NLGN1: variants seen among roughly 807,000 people sequenced by gnomAD.
NLGN1 encodes neuroligin-1.
A neutral mutation model predicts 65.5 loss-of-function variants in NLGN1; 12 were observed. That is an observed-to-expected ratio of 0.18 (90% CI 0.12 to 0.30). The LOEUF (loss-of-function observed/expected upper bound fraction) is 0.30, where lower values mean the gene tolerates loss of function less well. Among genes scored for constraint, NLGN1 ranks in the 10% least tolerant of loss-of-function variants. The pLI, the probability that NLGN1 is intolerant of heterozygous loss-of-function variation, is 1.00. For synonymous variants in NLGN1, 350 were observed against 359.5 expected, an observed-to-expected ratio of 0.97 and a Z score of 0.30; for missense variants, 750 against 1,007.1, an observed-to-expected ratio of 0.74 and a Z score of 3.46.
At chr3:173,401,308 A>C (rs74335749) in intron 1 of NLGN1, among the ~76,000 whole-genome samples, 3,795 of 151,288 alleles carry the variant, frequency 0.025, 135 homozygotes, top group African/African-American at 0.082. Context: ...CCAGGCTCAG[A>C]AGTTTTGCTC....
At chr3:173,579,217 A>G (rs772968939) in intron 2 of NLGN1, among the ~76,000 whole-genome samples, 1 of 152,228 alleles carries the variant, frequency 6.6e-6, no homozygotes, top group Non-Finnish European at 1.5e-5. Context: ...CGCAGTGGCT[A>G]TGCCTGTAAT....
At chr3:173,676,117 GT>G (rs1274935272) in intron 3 of NLGN1, among the ~76,000 whole-genome samples, 5 of 151,892 alleles carry the variant, frequency 3.3e-5, no homozygotes, top group African/African-American at 9.7e-5. Flanking sequence ...GAATAAAAAA[GT>G]TAATAATAAT....
intron 2 of NLGN1, among the ~76,000 whole-genome samples, chr3:173,526,638 T>A (rs1296034110): frequency 6.6e-6 from 1 of 152,170 alleles, no homozygotes; most frequent in Non-Finnish European, 1.5e-5. Context: ...TTTTTAAATG[T>A]ACAATTAAAG....
intron 4 of NLGN1, among the ~76,000 whole-genome samples, chr3:173,886,769 G>C (rs1462067080): frequency 1.3e-5 from 2 of 152,026 alleles, no homozygotes; most frequent in Non-Finnish European, 2.9e-5. Flanking sequence ...GTGGCCTCCT[G>C]ACTCCATAGG....
At chr3:174,275,422 C>T in exon 5 of NLGN1, 1 of 1,612,004 alleles carries the variant, frequency 6.2e-7, no homozygotes, top group Non-Finnish European at 8.5e-7. Context: ...TGGTGGTGAC[C>T]CCTTAAGAAT....
intron 3 of NLGN1, among the ~76,000 whole-genome samples, chr3:173,611,820 T>C (rs1484833884): frequency 6.6e-6 from 1 of 152,062 alleles, no homozygotes; most frequent in Non-Finnish European, 1.5e-5. Context: ...CTTTTTTTCT[T>C]ATAGAAACTG....
chr3:173,697,156 A>G (rs935219663), intron 3 of NLGN1, among the ~76,000 whole-genome samples: 16 of 152,196 alleles, frequency 1.1e-4, no homozygotes, highest in African/African-American at 3.9e-4. Context: ...CCTTCTACTC[A>G]CTAACATATA....
intron 3 of NLGN1, among the ~76,000 whole-genome samples, chr3:173,611,585 G>T (rs1329418145): frequency 6.6e-6 from 1 of 152,016 alleles, no homozygotes; most frequent in Non-Finnish European, 1.5e-5. Flanking sequence ...CAGAGATTTG[G>T]CTTCATATTT....
intron 4 of NLGN1, among the ~76,000 whole-genome samples, chr3:173,999,682 A>G (rs1722915549): frequency 6.6e-6 from 1 of 152,180 alleles, no homozygotes; most frequent in South Asian, 2.1e-4. Flanking sequence ...TGTAAGACAA[A>G]GGCATCAGTT....
At chr3:173,736,890 T>C (rs1461074078) in intron 3 of NLGN1, among the ~76,000 whole-genome samples, 1 of 152,074 alleles carries the variant, frequency 6.6e-6, no homozygotes, top group Non-Finnish European at 1.5e-5. Flanking sequence ...TACCTCTGTT[T>C]AATTATGAGC....
intron 4 of NLGN1, among the ~76,000 whole-genome samples, chr3:173,940,298 A>T (rs1745832739): frequency 6.6e-6 from 1 of 151,992 alleles, no homozygotes; most frequent in Non-Finnish European, 1.5e-5. Flanking sequence ...CATGTTGGTC[A>T]GGCTGGTCTC....
intron 4 of NLGN1, among the ~76,000 whole-genome samples, chr3:174,179,435 C>T (rs1346139509): frequency 1.3e-5 from 2 of 152,010 alleles, no homozygotes; most frequent in Non-Finnish European, 2.9e-5. Flanking sequence ...TGAAAAACAT[C>T]AGTATTCAGA....
intron 2 of NLGN1, among the ~76,000 whole-genome samples, chr3:173,564,611 C>T (rs1268480971): frequency 6.6e-6 from 1 of 152,194 alleles, no homozygotes; most frequent in African/African-American, 2.4e-5. Context: ...CAACTCTGAG[C>T]TCCTGAGGAG....
intron 2 of NLGN1, among the ~76,000 whole-genome samples, chr3:173,586,760 G>A (rs1056045285): frequency 1.6e-4 from 25 of 152,228 alleles, no homozygotes; most frequent in African/African-American, 5.8e-4. Flanking sequence ...GTTTTAAGGC[G>A]ATATCTGAGA....
chr3:174,198,061 CTATGTT>C (rs1733796134), intron 4 of NLGN1, among the ~76,000 whole-genome samples: 2 of 151,952 alleles, frequency 1.3e-5, no homozygotes, highest in Non-Finnish European at 1.5e-5. Flanking sequence ...TTGATTGTTA[CTATGTT>C]TATATTATTA....
chr3:174,149,143 C>T (rs1561160360), intron 4 of NLGN1, among the ~76,000 whole-genome samples: 1 of 152,146 alleles, frequency 6.6e-6, no homozygotes, highest in Non-Finnish European at 1.5e-5. Context: ...CTTCATTAAG[C>T]TCTCATACAT....
chr3:173,809,227 A>G (rs1467227571), intron 4 of NLGN1, among the ~76,000 whole-genome samples: 2 of 152,142 alleles, frequency 1.3e-5, no homozygotes, highest in African/African-American at 4.8e-5. Context: ...GTGTCTTTCC[A>G]CCAGTGAAAA....
chr3:173,678,948 G>C (rs1763553933), intron 3 of NLGN1, among the ~76,000 whole-genome samples: 1 of 151,940 alleles, frequency 6.6e-6, no homozygotes, highest in South Asian at 2.1e-4. Flanking sequence ...ATAATTGGTT[G>C]GTTCCATTAA....
At chr3:173,531,659 C>G (rs530701050) in intron 2 of NLGN1, among the ~76,000 whole-genome samples, 61 of 151,898 alleles carry the variant, frequency 4.0e-4, no homozygotes, top group Middle Eastern at 3.4e-3. Context: ...CTTTCAACTA[C>G]CTATAAATCT....
Sources: allele counts gnomAD v4.1 joint callset (sites outside exome capture counted in the v4.1 genomes callset), GRCh38; gene constraint gnomAD v4.1.1; transcripts MANE v1.5; gene names NCBI Gene and HGNC (gene_info 2026-07-23, HGNC 2026-07-21).